CEP128: variants seen among roughly 807,000 people sequenced by gnomAD.
The protein encoded by CEP128 is centrosomal protein 128, also known as centrosomal protein 128kDa.
A neutral mutation model predicts 156.7 loss-of-function variants in CEP128; 132 were observed. That is an observed-to-expected ratio of 0.84 (90% CI 0.73 to 0.97). The LOEUF (loss-of-function observed/expected upper bound fraction) is 0.97. CEP128 is among the 50% of genes least tolerant of loss of function. The pLI is 0.00. For synonymous variants in CEP128, 469 were observed against 448.9 expected, an observed-to-expected ratio of 1.04 and a Z score of -0.57; for missense variants, 1,252 against 1,281.9, an observed-to-expected ratio of 0.98 and a Z score of 0.36.
intron 8 of CEP128, among the ~76,000 whole-genome samples, chr14:80,888,369 C>T (rs7159819): frequency 0.065 from 9,955 of 152,154 alleles, 1,078 homozygotes; most frequent in African/African-American, 0.23. Context: ...AACGTTGATG[C>T]GAAAATCCTC....
At position 80,563,022 on chromosome 14, in the gene CEP128, C is replaced by T. The variant is rs943730281; in HGVS notation, c.2857-3720G>A. On this transcript the variant is annotated intron_variant, in intron 20 of 24. Transcript: ENST00000555265. ...TAAAAAAGAAAAAGCCAGTATATGT[C>T]CTAGAATGAACATATAATTACAACA... Among the ~76,000 whole-genome samples the T allele has an allele frequency of 2.0e-5, 3 of 152,106 alleles. 1 individual carries two copies. Among genetic ancestry groups the T allele is most frequent in the Non-Finnish European group, 4.4e-5 (3 of 68,034 alleles).
intron 18 of CEP128, among the ~76,000 whole-genome samples, chr14:80,749,650 C>G (rs1203931910): frequency 6.6e-6 from 1 of 151,608 alleles, no homozygotes; most frequent in African/African-American, 2.4e-5. Flanking sequence ...GAGAGGGAGG[C>G]AGTGCATATG....
chr14:80,507,473 T>C lies in CEP128; in HGVS notation c.3073-2453A>G, dbSNP rs369634927. Among the ~76,000 whole-genome samples the C allele has an allele frequency of 4.6e-5, 7 of 152,280 alleles. No individual in the cohort carries two copies. In the East Asian group the frequency reaches 7.7e-4, roughly 17 times the overall value. Reference sequence around the variant, plus strand: ...TAGTTCAGATGTGACATACTACAGGTGTGGCTGAAATTGCAAGATGTATAG... The same window carrying C: ...TAGTTCAGATGTGACATACTACAGGCGTGGCTGAAATTGCAAGATGTATAG... On this transcript the variant is annotated intron_variant, in intron 23 of 24. Coordinates refer to ENST00000555265, the MANE Select transcript of CEP128 (RefSeq NM_152446.5).
At chr14:80,751,646 T>C (rs1035399546) in intron 18 of CEP128, among the ~76,000 whole-genome samples, 1 of 151,744 alleles carries the variant, frequency 6.6e-6, no homozygotes, top group Non-Finnish European at 1.5e-5. Flanking sequence ...TTTTTTTTTT[T>C]TGAGATGGAG....
intron 19 of CEP128, among the ~76,000 whole-genome samples, chr14:80,612,711 C>T (rs1893041903): frequency 6.6e-6 from 1 of 152,200 alleles, no homozygotes; most frequent in Non-Finnish European, 1.5e-5. Flanking sequence ...AATAACATCA[C>T]ATTCTGAGTT....
rs755513975 is a variant in CEP128 at position 80,679,320 on chromosome 14, A to G, written c.2806+63755T>C. On this transcript the variant is annotated intron_variant, in intron 19 of 24. Coordinates refer to ENST00000555265, the MANE Select transcript of CEP128 (RefSeq NM_152446.5). ...ACATTTTTCTTCTTGCAGAGCGCCT[A>G]TAAACAGACATGCAAGTAGGGAAGA... Among the ~76,000 whole-genome samples, 76 of 152,196 alleles carry G rather than the reference A, an allele frequency of 5.0e-4. 1 individual carries two copies. Among genetic ancestry groups the G allele is most frequent in the Admixed American group, 9.2e-4 (14 of 15,284 alleles).
intron 8 of CEP128, among the ~76,000 whole-genome samples, chr14:80,873,390 ATACT>A (rs1384263850): frequency 6.6e-5 from 10 of 152,344 alleles, no homozygotes; most frequent in East Asian, 5.8e-4. Context: ...TATATAGATA[ATACT>A]TACTAGTTTT....
chr14:80,680,459 C>G (rs1208415368), intron 19 of CEP128, among the ~76,000 whole-genome samples: 2 of 152,128 alleles, frequency 1.3e-5, no homozygotes, highest in African/African-American at 4.8e-5. Context: ...TACTCGCTCA[C>G]CTGGTTCAGC....
chr14:80,776,837 G>A (rs1242702990), intron 16 of CEP128, among the ~76,000 whole-genome samples: 2 of 152,086 alleles, frequency 1.3e-5, no homozygotes, highest in Non-Finnish European at 2.9e-5. Flanking sequence ...GTGGGTGAAA[G>A]AGAAAACAAA....
intron 21 of CEP128, among the ~76,000 whole-genome samples, chr14:80,543,381 AC>A (rs1357597448): frequency 6.6e-6 from 1 of 152,218 alleles, no homozygotes; most frequent in Admixed American, 6.5e-5. Flanking sequence ...AGTTAAAAGT[AC>A]CAATAATCTG....
At chr14:80,826,423 A>G (rs1885484274) in intron 13 of CEP128, among the ~76,000 whole-genome samples, 2 of 152,196 alleles carry the variant, frequency 1.3e-5, no homozygotes, top group South Asian at 4.1e-4. Context: ...AATTACAACC[A>G]GCATAATTAA....
intron 2 of CEP128, among the ~76,000 whole-genome samples, chr14:80,948,485 C>T (rs543240029): frequency 2.6e-5 from 4 of 152,262 alleles, no homozygotes; most frequent in African/African-American, 9.6e-5. Context: ...AATTGCAAAA[C>T]ATTTCTGTAG....
At chr14:80,756,654 A>G (rs1899673881) in intron 18 of CEP128, among the ~76,000 whole-genome samples, 2 of 152,098 alleles carry the variant, frequency 1.3e-5, no homozygotes, top group East Asian at 3.8e-4. Context: ...CTGGTTCTTA[A>G]TATTTCAACA....
intron 2 of CEP128, among the ~76,000 whole-genome samples, chr14:80,956,512 G>A (rs1886697083): frequency 6.6e-6 from 1 of 152,178 alleles, no homozygotes; most frequent in South Asian, 2.1e-4. Context: ...TTAGAAACCT[G>A]ATGTTAAATA....
At chr14:80,821,506 C>T (rs1393192658) in intron 13 of CEP128, among the ~76,000 whole-genome samples, 1 of 151,816 alleles carries the variant, frequency 6.6e-6, no homozygotes, top group East Asian at 1.9e-4. Flanking sequence ...TTCCAAATTG[C>T]TTTAAATTTT....
intron 21 of CEP128, among the ~76,000 whole-genome samples, chr14:80,534,563 C>T (rs544061852): frequency 3.9e-5 from 6 of 152,144 alleles, no homozygotes; most frequent in South Asian, 2.1e-4. Context: ...TGGTGGCTCA[C>T]GCCTGTAATC....
chr14:80,524,077 A>T (rs1246424614), intron 23 of CEP128, among the ~76,000 whole-genome samples: 1 of 152,234 alleles, frequency 6.6e-6, no homozygotes, highest in Non-Finnish European at 1.5e-5. Context: ...GCTCTAGAGC[A>T]CCTGTGTCTG....
intron 1 of CEP128, among the ~76,000 whole-genome samples, chr14:80,940,496 T>C (rs887321355): frequency 6.6e-6 from 1 of 150,628 alleles, no homozygotes; most frequent in Non-Finnish European, 1.5e-5. Context: ...ACACAAGAGA[T>C]TTTGATGACT....
intron 14 of CEP128, among the ~76,000 whole-genome samples, chr14:80,481,377 T>A (rs1372512113): frequency 6.6e-6 from 1 of 152,178 alleles, no homozygotes; most frequent in Non-Finnish European, 1.5e-5. Context: ...CCGGCCCCCA[T>A]GGTTGAATTA....
Sources: gnomAD v4.1 joint callset for allele counts (sites outside exome capture counted in the v4.1 genomes callset) on GRCh38, gnomAD v4.1.1 for gene constraint, MANE v1.5 for transcripts, NCBI Gene and HGNC (gene_info 2026-07-23, HGNC 2026-07-21) for gene names.